Variants in SAMD4A observed in about 807,000 individuals in gnomAD.
The protein encoded by SAMD4A is sterile alpha motif domain containing 4A.
In SAMD4A, 33 loss-of-function variants were observed where a neutral mutation model predicts 81.3. That is an observed-to-expected ratio of 0.41 (90% CI 0.31 to 0.54). The LOEUF (loss-of-function observed/expected upper bound fraction) is 0.54, where lower values mean the gene tolerates loss of function less well. Ranked by LOEUF, SAMD4A falls within the 20% of genes least tolerant of loss-of-function variation. The pLI is 0.37. For missense variants in SAMD4A, 854 were observed against 951.1 expected, an observed-to-expected ratio of 0.90 and a Z score of 1.34; for synonymous variants, 389 against 382.1, an observed-to-expected ratio of 1.02 and a Z score of -0.21.
chr14:54,600,216 G>A (rs1203288446), intron 2 of SAMD4A, among the ~76,000 whole-genome samples: 2 of 152,144 alleles, frequency 1.3e-5, no homozygotes, highest in African/African-American at 4.8e-5. Context: ...CAGAGCAAAC[G>A]AAAACCAGGC....
At chr14:54,748,598 G>A (rs941647234) in intron 4 of SAMD4A, among the ~76,000 whole-genome samples, 3 of 152,210 alleles carry the variant, frequency 2.0e-5, no homozygotes, top group Admixed American at 1.3e-4. Flanking sequence ...CCTGGTCTAA[G>A]TAGAATAAAG....
At chr14:54,769,015 C>A (rs1406162221) in intron 8 of SAMD4A, among the ~76,000 whole-genome samples, 1 of 152,144 alleles carries the variant, frequency 6.6e-6, no homozygotes, top group Admixed American at 6.5e-5. Context: ...GAATTCATGC[C>A]CTATTGACAA....
chr14:54,614,833 C>G (rs952745198), intron 2 of SAMD4A, among the ~76,000 whole-genome samples: 2 of 152,144 alleles, frequency 1.3e-5, no homozygotes, highest in Non-Finnish European at 2.9e-5. Context: ...AGAGAGAGAC[C>G]TGTGACATGG....
At position 54,617,778 on chromosome 14, in the gene SAMD4A, C is replaced by T. The variant is rs140235821; in HGVS notation, c.196+49666C>T. On this transcript the variant is annotated intron_variant, in intron 2 of 12. Coordinates refer to ENST00000554335, the MANE Select transcript of SAMD4A (RefSeq NM_015589.6). The stretch of plus-strand genomic sequence containing the variant: ...GATCACCATTTAACAGGTGTTCCCA[C>T]AACAATTCATTTCTCTGCACTCATA... Among the ~76,000 whole-genome samples the T allele has an allele frequency of 7.7e-4, 118 of 152,326 alleles. 1 individual carries two copies. In the South Asian group the frequency reaches 0.013, roughly 17 times the overall value.
At chr14:54,698,880 T>C (rs1286607446) in intron 2 of SAMD4A, among the ~76,000 whole-genome samples, 2 of 152,136 alleles carry the variant, frequency 1.3e-5, no homozygotes, top group Non-Finnish European at 2.9e-5. Flanking sequence ...GGAGATAACA[T>C]GTTTCGTTTG....
Position 54,702,383 on chromosome 14 carries a change from A to C in SAMD4A, c.518A>C (p.Gln173Pro). 1 of 1,614,218 alleles carries C rather than the reference A, an allele frequency of 6.2e-7. No homozygotes were observed. The highest frequency in any genetic ancestry group is 2.2e-5 in the East Asian group (1 of 44,886). ...RGRSDSVDYGQTHYYHQRQNS... is the reference protein window; with the variant it reads ...RGRSDSVDYGPTHYYHQRQNS... ...CGCTCAGACTCTGTGGATTATGGAC[A>C]GACACACTACTATCACCAAAGACAG... Residue 173 changes from glutamine to proline, a missense_variant, in exon 3 of 13, where the codon CAG becomes CCG. Coordinates refer to ENST00000554335, the MANE Select transcript of SAMD4A (RefSeq NM_015589.6).
intron 2 of SAMD4A, among the ~76,000 whole-genome samples, chr14:54,573,014 C>T (rs574784592): frequency 3.1e-4 from 47 of 152,262 alleles, no homozygotes; most frequent in African/African-American, 1.1e-3. Context: ...ACCCAGTTTT[C>T]CCAAATAACT....
intron 2 of SAMD4A, among the ~76,000 whole-genome samples, chr14:54,679,635 T>C (rs1403051892): frequency 1.3e-5 from 2 of 152,180 alleles, no homozygotes; most frequent in African/African-American, 4.8e-5. Context: ...CACAAACCAT[T>C]GTTTTCCATG....
intron 2 of SAMD4A, among the ~76,000 whole-genome samples, chr14:54,586,392 C>A (rs1165343677): frequency 6.6e-6 from 1 of 152,104 alleles, no homozygotes; most frequent in Non-Finnish European, 1.5e-5. Flanking sequence ...GTTTACTCTG[C>A]TGATTATTTC....
chr14:54,702,749 G>T, intron 3 of SAMD4A, 169 bp downstream of exon 3: 2 of 773,434 alleles, frequency 2.6e-6, no homozygotes, highest in Non-Finnish European at 4.1e-6. Flanking sequence ...GTTGCTCTTT[G>T]ACTCTGCAAA....
chr14:54,779,940 C>T (rs1211560387), intron 11 of SAMD4A, among the ~76,000 whole-genome samples: 1 of 152,166 alleles, frequency 6.6e-6, no homozygotes, highest in Non-Finnish European at 1.5e-5. Context: ...GTTTTCTCAA[C>T]TAGATAACTG....
intron 2 of SAMD4A, among the ~76,000 whole-genome samples, chr14:54,670,993 G>C (rs2035869381): frequency 6.6e-6 from 1 of 152,150 alleles, no homozygotes; most frequent in Non-Finnish European, 1.5e-5. Context: ...AATATTGACA[G>C]GCACCCACCG....
intron 2 of SAMD4A, among the ~76,000 whole-genome samples, chr14:54,596,575 A>G (rs1045106420): frequency 1.3e-5 from 2 of 152,214 alleles, no homozygotes; most frequent in African/African-American, 4.8e-5. Context: ...ATATAGTGAG[A>G]CTGCGTCTCA....
At position 54,775,020 on chromosome 14, in the gene SAMD4A, T is replaced by C. The variant is rs1388759730; in HGVS notation, c.1802T>C (p.Ile601Thr). The C allele has an allele frequency of 6.2e-7, 1 of 1,614,186 alleles. No homozygotes were observed. Among genetic ancestry groups the C allele is most frequent in the Non-Finnish European group, 8.5e-7 (1 of 1,180,032 alleles). The change falls in exon 10 of 13, where the codon ATC becomes ACC. Residue 601 changes from isoleucine (I) to threonine (T), a missense_variant. Transcript: ENST00000554335. ...AGACGGAACCCGCGCCAGTACCAGA[T>C]CCCCTCTCGGAACGTCCCTTCCGCC... is the stretch of plus-strand genomic sequence containing the variant. ...MGRRNPRQYQIPSRNVPSARL... is the reference protein window; with the variant it reads ...MGRRNPRQYQTPSRNVPSARL...
chr14:54,748,277 C>G (rs1215002741), intron 4 of SAMD4A, among the ~76,000 whole-genome samples: 4 of 152,206 alleles, frequency 2.6e-5, no homozygotes, highest in Non-Finnish European at 5.9e-5. Context: ...AGTGACTCCA[C>G]CATTTTCCTA....
intron 2 of SAMD4A, among the ~76,000 whole-genome samples, chr14:54,644,024 A>G (rs2035232186): frequency 1.3e-5 from 2 of 152,206 alleles, no homozygotes; most frequent in African/African-American, 4.8e-5. Flanking sequence ...GAAGCAGTCA[A>G]AGGTCATTTG....
intron 11 of SAMD4A, among the ~76,000 whole-genome samples, chr14:54,777,991 G>A (rs1449417021): frequency 2.6e-5 from 4 of 152,018 alleles, no homozygotes; most frequent in Admixed American, 6.6e-5. Flanking sequence ...CTGTTTTCAC[G>A]CAGAATTATG....
intron 3 of SAMD4A, among the ~76,000 whole-genome samples, chr14:54,714,863 A>G (rs1411595907): frequency 6.6e-6 from 1 of 152,158 alleles, no homozygotes; most frequent in African/African-American, 2.4e-5. Context: ...ATTGAAATCA[A>G]GATACTTTGA....
intron 2 of SAMD4A, among the ~76,000 whole-genome samples, chr14:54,678,472 T>TAGGTCAGGGG (rs2036043415): frequency 1.5e-5 from 1 of 65,952 alleles, no homozygotes; most frequent in African/African-American, 4.7e-5. Context: ...TGTGTGTGTG[T>TAGGTCAGGGG]GTGTGTGTGT....
Sources: allele counts gnomAD v4.1 joint callset (sites outside exome capture counted in the v4.1 genomes callset), GRCh38; gene constraint gnomAD v4.1.1; transcripts MANE v1.5; gene names NCBI Gene and HGNC (gene_info 2026-07-23, HGNC 2026-07-21).